Variants in MAP7D1 observed in about 807,000 individuals in gnomAD.
The protein encoded by MAP7D1 is MAP7 domain-containing protein 1.
MAP7D1 carries 30 observed loss-of-function variants against 97.5 expected under a neutral mutation model. The observed-to-expected ratio is 0.31, with a 90% CI of 0.23 to 0.42. The LOEUF (loss-of-function observed/expected upper bound fraction) is 0.42. MAP7D1 is among the 10% of genes least tolerant of loss of function. The pLI is 1.00. For missense variants in MAP7D1, 1,184 were observed against 1,179.5 expected, an observed-to-expected ratio of 1.00 and a Z score of -0.06; for synonymous variants, 536 against 477.1, an observed-to-expected ratio of 1.12 and a Z score of -1.61.
chr1:36,174,902 G>A lies in MAP7D1; in HGVS notation c.744G>A (p.Gly248=). 4 of 1,608,544 alleles carry A rather than the reference G, an allele frequency of 2.5e-6. No homozygotes were observed. The highest frequency in any genetic ancestry group is 3.4e-6 in the Non-Finnish European group (4 of 1,175,150). The change falls in exon 6 of 17, where the codon GGG becomes GGA. Residue 248 remains glycine (G), a synonymous_variant. Transcript: ENST00000474796. ...CCGTGTCTTTTCCCCCTCCAGGTGG[G>A]AGCAGGTGCTCCGTGTCGGCAGTTA... The part of the protein sequence containing the change: ...HHSSPGHKTS[G]SRCSVSAVNL...
intron 1 of MAP7D1, among the ~76,000 whole-genome samples, chr1:36,160,129 G>A (rs1414898483): frequency 6.6e-6 from 1 of 152,218 alleles, no homozygotes; most frequent in Non-Finnish European, 1.5e-5. Context: ...AGGCCACAGG[G>A]CAGCTGGGAC....
Position 36,171,232 on chromosome 1 carries a change from C to A in MAP7D1, c.308C>A (p.Pro103Gln). Reference sequence around the variant, plus strand: ...GGACCCACCCCACCAGCCATGGGCCCACGGGATGCCAGACCTCCTCGAAGG... The same window carrying A: ...GGACCCACCCCACCAGCCATGGGCCAACGGGATGCCAGACCTCCTCGAAGG... ...SRGPTPPAMG[P>Q]RDARPPRRSS... The change falls in exon 2 of 17, where the codon CCA (proline) becomes CAA (glutamine). Residue 103 changes from proline (P) to glutamine (Q), a missense_variant. Pro to Gln is a moderately conservative substitution (Grantham distance 76). Coordinates refer to ENST00000474796, the MANE Select transcript of MAP7D1 (RefSeq NM_001388490.1). 6.2e-7 allele frequency: 1 copy of A among 1,610,564 alleles called. No individual in the cohort carries two copies. Among genetic ancestry groups the A allele is most frequent in the Non-Finnish European group, 8.5e-7 (1 of 1,178,180 alleles).
At position 36,164,889 on chromosome 1, in the gene MAP7D1, T is replaced by A. The variant is rs564499061; in HGVS notation, c.47-6082T>A. Reference sequence around the variant, plus strand: ...ATGATGATATCTGCCTGGGTGTAGTTCATTCATTTCTTCATTCAACAAATA... The same window carrying A: ...ATGATGATATCTGCCTGGGTGTAGTACATTCATTTCTTCATTCAACAAATA... On this transcript the variant is annotated intron_variant, in intron 1 of 16. Transcript: ENST00000474796. Among the ~76,000 whole-genome samples the A allele has an allele frequency of 2.6e-5, 4 of 152,310 alleles. No homozygotes were observed. The South Asian group carries it at 8.3e-4, about 32-fold the overall frequency.
chr1:36,179,067 A>C, intron 12 of MAP7D1, 42 bp downstream of exon 12: 1 of 538,700 alleles, frequency 1.9e-6, no homozygotes, highest in Non-Finnish European at 3.1e-6. Flanking sequence ...GGGCCTGGGC[A>C]GGGCGGGCCA....
intron 8 of MAP7D1, 114 bp from the exon 9 acceptor site, chr1:36,177,759 G>C: frequency 2.1e-6 from 3 of 1,424,280 alleles, no homozygotes; most frequent in Admixed American, 5.6e-5. Flanking sequence ...GCAAGGGGGC[G>C]GGGGGCGGCG....
chr1:36,179,179 G>C, intron 12 of MAP7D1, 83 bp from the exon 13 acceptor site: 3 of 1,552,576 alleles, frequency 1.9e-6, no homozygotes, highest in Non-Finnish European at 2.7e-6. Context: ...GAGGCCCTAA[G>C]ACTCCGAGGC....
At chr1:36,174,420 C>T (rs1644589134) in intron 5 of MAP7D1, among the ~76,000 whole-genome samples, 1 of 152,226 alleles carries the variant, frequency 6.6e-6, no homozygotes, top group Admixed American at 6.5e-5. Flanking sequence ...ATGCCTGTGT[C>T]TGCATGTCTT....
Position 36,156,329 on chromosome 1 carries a change from G to A in MAP7D1, c.-89G>A, listed in dbSNP as rs899223697. ...TACTTGCCGGGCCGGGCCGGGCCGG[G>A]CGTGATGCGCCGCGGGACCCCTGTC... is the stretch of plus-strand genomic sequence containing the variant. On this transcript the variant is annotated 5_prime_UTR_variant, in exon 1 of 17. Transcript: ENST00000474796. 2.6e-6 allele frequency: 3 copies of A among 1,170,592 alleles called. No individual in the cohort carries two copies. Among genetic ancestry groups the A allele is most frequent in the East Asian group, 3.2e-5 (1 of 31,396 alleles). 72.5% of individuals were successfully genotyped at this position (1,170,592 alleles called of 1,614,324 possible). A position where few individuals can be genotyped will look rare whatever the true frequency, so the allele number is the denominator to read the frequency against.
At chr1:36,171,433 G>A (rs1385978367) in intron 2 of MAP7D1, 80 bp from the exon 3 acceptor site, 7 of 1,570,094 alleles carry the variant, frequency 4.5e-6, no homozygotes, top group Middle Eastern at 1.7e-4. Flanking sequence ...GATGGGGTGA[G>A]GCCCGGAGGG....
intron 3 of MAP7D1, 90 bp downstream of exon 3, chr1:36,171,671 G>A (rs568788415): frequency 3.5e-5 from 49 of 1,409,842 alleles, no homozygotes; most frequent in South Asian, 2.5e-4. Context: ...AGTGGCTCAC[G>A]CCTGTAATCC....
At chr1:36,171,418 G>T in intron 2 of MAP7D1, 95 bp from the exon 3 acceptor site, 1 of 1,558,674 alleles carries the variant, frequency 6.4e-7, no homozygotes, top group Non-Finnish European at 8.8e-7. Context: ...AGGAGATAAA[G>T]AAAGGATGGG....
intron 12 of MAP7D1, 85 bp from the exon 13 acceptor site, chr1:36,179,177 A>G: frequency 1.3e-6 from 2 of 1,545,706 alleles, no homozygotes; most frequent in South Asian, 2.3e-5. Flanking sequence ...GGGAGGCCCT[A>G]AGACTCCGAG....
At chr1:36,169,949 C>A (rs1401135839) in intron 1 of MAP7D1, among the ~76,000 whole-genome samples, 2 of 152,154 alleles carry the variant, frequency 1.3e-5, no homozygotes, top group Non-Finnish European at 2.9e-5. Context: ...GGCCACATAG[C>A]AAGACCCTAT....
At position 36,178,558 on chromosome 1, in the gene MAP7D1, C is replaced by T. The variant is rs891207732; in HGVS notation, c.1848C>T (p.Arg616=). The T allele has an allele frequency of 1.9e-6, 3 of 1,595,000 alleles. No individual in the cohort carries two copies. Among genetic ancestry groups the T allele is most frequent in the Non-Finnish European group, 2.6e-6 (3 of 1,171,950 alleles). Reference sequence around the variant, plus strand: ...GCCAGGCCCGGGAGCAGCGGGAGCGCGAGGAGCAGGAGCGGAGGCTGCAGG... The same window carrying T: ...GCCAGGCCCGGGAGCAGCGGGAGCGTGAGGAGCAGGAGCGGAGGCTGCAGG... ...KRRQAREQRE[R]EEQERRLQAE... is the part of the protein sequence containing the mutation. Residue 616 remains arginine, a synonymous_variant, in exon 10 of 17, where the codon CGC becomes CGT. Coordinates refer to ENST00000474796, the MANE Select transcript of MAP7D1 (RefSeq NM_001388490.1).
chr1:36,177,829 G>GGT (rs772459167), intron 8 of MAP7D1, 44 bp from the exon 9 acceptor site: 1 of 1,520,866 alleles, frequency 6.6e-7, no homozygotes, highest in Non-Finnish European at 8.8e-7. Context: ...TCAGCGTGTG[G>GGT]GTGTGTGTGT....
chr1:36,178,860 G>A, intron 11 of MAP7D1, 37 bp downstream of exon 11: 1 of 1,545,622 alleles, frequency 6.5e-7, no homozygotes, highest in Non-Finnish European at 8.7e-7. Context: ...GGGCGCGGGC[G>A]CCGCGGGCCG....
chr1:36,158,545 C>T (rs1644367956), intron 1 of MAP7D1, among the ~76,000 whole-genome samples: 1 of 152,190 alleles, frequency 6.6e-6, no homozygotes, highest in Non-Finnish European at 1.5e-5. Context: ...TAGCCATGTA[C>T]TGGCTACTGG....
chr1:36,165,738 T>TTC, intron 1 of MAP7D1, among the ~76,000 whole-genome samples: 1 of 149,496 alleles, frequency 6.7e-6, no homozygotes, highest in East Asian at 2.0e-4. Context: ...GCTTTTTTTT[T>TTC]TTTTTTTTTG....
chr1:36,177,196 C>T lies in MAP7D1; in HGVS notation c.1379+354C>T, dbSNP rs568313434. Among the ~76,000 whole-genome samples the T allele has an allele frequency of 4.5e-4, 68 of 152,274 alleles. 1 individual carries two copies. The highest frequency in any genetic ancestry group is 1.5e-3 in the African/African-American group (61 of 41,564). ...AACTCTTGAGCTTAGGTGATCCACCCGCCTTGGCCTCCCAAAGTGCTGGGA... is the reference window on the plus strand; with the variant it reads ...AACTCTTGAGCTTAGGTGATCCACCTGCCTTGGCCTCCCAAAGTGCTGGGA... On this transcript the variant is annotated intron_variant, in intron 8 of 16. Coordinates refer to ENST00000474796, the MANE Select transcript of MAP7D1 (RefSeq NM_001388490.1).
Sources: gnomAD v4.1 joint callset for allele counts (sites outside exome capture counted in the v4.1 genomes callset) on GRCh38, gnomAD v4.1.1 for gene constraint, MANE v1.5 for transcripts, NCBI Gene and HGNC (gene_info 2026-07-23, HGNC 2026-07-21) for gene names.